The following C11orf71 variants were observed in gnomAD, a reference collection of about 807,000 sequenced individuals.
C11orf71 encodes the protein chromosome 11 open reading frame 71.
For missense variants in C11orf71, 179 were observed against 167.6 expected (o/e 1.07, Z -0.38); for synonymous variants, 72 against 73.4 (o/e 0.98, Z 0.09).
downstream of C11orf71, among the ~76,000 whole-genome samples, chr11:114,394,238 T>TTTTCC (rs1565256553): frequency 5.0e-4 from 25 of 49,806 alleles, no homozygotes; most frequent in Non-Finnish European, 7.0e-4. Context: ...CTTTCTTTTC[T>TTTTCC]TTTCTTTTCT....
chr11:114,398,780 G>A lies in C11orf71; in HGVS notation c.*1180C>T, dbSNP rs1309551918. 6.6e-6 allele frequency: 1 copy of A among 152,018 alleles called. No homozygotes were observed. The highest frequency in any genetic ancestry group is 1.5e-5 in the Non-Finnish European group (1 of 68,000). 9.4% of individuals were successfully genotyped at this position (152,018 alleles called of 1,614,324 possible). A position where few individuals can be genotyped will look rare whatever the true frequency, so the allele number is the denominator to read the frequency against. ...GTTTACTCAACATTCTTCTTAACAC[G>A]TAGTTATAACAATTCAATACTATGT... On this transcript the variant is annotated 3_prime_UTR_variant, in exon 1 of 1. Coordinates refer to ENST00000623205, the MANE Select transcript of C11orf71 (RefSeq NM_001271562.2).
chr11:114,391,924 T>A (rs558625560), intron 1 of C11orf71, among the ~76,000 whole-genome samples: 118 of 151,354 alleles, frequency 7.8e-4, no homozygotes, highest in African/African-American at 1.1e-3. Context: ...TTTTTTTTTT[T>A]AAAATAAAGC....
rs1197466518 is a variant in C11orf71, at chr11:114,399,322, A to C, written c.*638T>G. 6.6e-6 allele frequency: 1 copy of C among 152,266 alleles called. No individual in the cohort carries two copies. The highest frequency in any genetic ancestry group is 2.4e-5 in the African/African-American group (1 of 41,452). The allele number at this position is 152,266 out of a possible 1,614,324, so 9.4% of individuals were successfully genotyped here. Reference sequence around the variant, plus strand: ...TTTTCTGATAGGAGATTGTACAAGTAATGTTTTCACCAGTGTATTTTAGGA... The same window carrying C: ...TTTTCTGATAGGAGATTGTACAAGTCATGTTTTCACCAGTGTATTTTAGGA... On this transcript the variant is annotated 3_prime_UTR_variant, in exon 1 of 1. Coordinates refer to ENST00000623205, the MANE Select transcript of C11orf71 (RefSeq NM_001271562.2).
chr11:114,397,103 T>C (rs1247930030), downstream of C11orf71, among the ~76,000 whole-genome samples: 1 of 152,186 alleles, frequency 6.6e-6, no homozygotes, highest in African/African-American at 2.4e-5. Flanking sequence ...TAGGGCCCCA[T>C]TTCAACACAT....
chr11:114,393,135 T>A (rs891543635), intron 1 of C11orf71, among the ~76,000 whole-genome samples: 24 of 152,228 alleles, frequency 1.6e-4, no homozygotes, highest in African/African-American at 5.8e-4. Context: ...AAACAGCTCT[T>A]ACATGCCACA....
chr11:114,392,462 C>T (rs1360774870), intron 1 of C11orf71, among the ~76,000 whole-genome samples: 4 of 128,322 alleles, frequency 3.1e-5, no homozygotes, highest in Non-Finnish European at 4.7e-5. Context: ...CACTGGAACC[C>T]GGGAGATGGA....
intron 1 of C11orf71, among the ~76,000 whole-genome samples, chr11:114,392,925 A>C (rs1393083240): frequency 6.6e-6 from 1 of 152,174 alleles, no homozygotes. Context: ...CAGTTACTAA[A>C]ATTCTCTGCA....
rs1402780826 is a variant in C11orf71 at position 114,400,157 on chromosome 11, G to C, written c.175C>G (p.Pro59Ala). 6.2e-7 allele frequency: 1 copy of C among 1,613,742 alleles called. No individual in the cohort carries two copies. The highest frequency in any genetic ancestry group is 1.3e-5 in the African/African-American group (1 of 74,934). ...CGACGGCTCTCGGCCCGAACGCTTG[G>C]TCGCACCGCCTGCCGAGGTCCTAGA... ...IHLGPRQAVR[P>A]SVRAESRRVD... Residue 59 changes from proline (P) to alanine (A), a missense_variant, in exon 1 of 1, where the codon CCA (proline) becomes GCA (alanine). Transcript: ENST00000623205.
chr11:114,393,831 A>C (rs1946090640), downstream of C11orf71, among the ~76,000 whole-genome samples: 1 of 152,206 alleles, frequency 6.6e-6, no homozygotes, highest in Non-Finnish European at 1.5e-5. Context: ...GTATTTACAT[A>C]AGAGCTTCGA....
chr11:114,394,242 CTTT>C (rs768188409), downstream of C11orf71, among the ~76,000 whole-genome samples: 3 of 58,734 alleles, frequency 5.1e-5, no homozygotes, highest in African/African-American at 1.7e-4. Context: ...CTTTTCTTTT[CTTT>C]TCTTTTCTTT....
In C11orf71 at chr11:114,400,018, A is replaced by T. The variant is rs776030051; in HGVS notation, c.314T>A (p.Val105Glu). 16 of 1,613,814 alleles carry T rather than the reference A, an allele frequency of 9.9e-6. No individual in the cohort carries two copies. Among genetic ancestry groups the T allele is most frequent in the Non-Finnish European group, 1.3e-5 (15 of 1,179,818 alleles). ...TAATGCAATCAAACGCTGTTGCAGC[A>T]CACTTCTTAGGAGATCGGGTTCAAC... ...PAVEPDLLRS[V>E]LQQRLIALGG... is the part of the protein sequence containing the mutation. The change falls in exon 1 of 1, where the codon GTG becomes GAG. Residue 105 changes from valine to glutamate, a missense_variant. Val to Glu is a moderately radical substitution (Grantham distance 121, BLOSUM62 -2). Transcript: ENST00000623205.
downstream of C11orf71, among the ~76,000 whole-genome samples, chr11:114,397,048 T>C (rs1481989545): frequency 6.6e-6 from 1 of 152,172 alleles, no homozygotes; most frequent in African/African-American, 2.4e-5. Context: ...AAAACTGCTT[T>C]TTAGGAGTTT....
chr11:114,395,905 A>G (rs1386409373), downstream of C11orf71, among the ~76,000 whole-genome samples: 3 of 152,144 alleles, frequency 2.0e-5, no homozygotes, highest in Non-Finnish European at 4.4e-5. Context: ...AATTAGTAAC[A>G]TTGTTTGTTT....
At chr11:114,398,380 A>G (rs1353568164), downstream of C11orf71, among the ~76,000 whole-genome samples, 2 of 152,190 alleles carry the variant, frequency 1.3e-5, no homozygotes, top group Non-Finnish European at 2.9e-5. Context: ...CTCATTTGAA[A>G]GGCTGCAGGG....
At chr11:114,394,175 TTTCG>T (rs1425787330), downstream of C11orf71, among the ~76,000 whole-genome samples, 18 of 69,848 alleles carry the variant, frequency 2.6e-4, no homozygotes, top group African/African-American at 1.8e-3. Flanking sequence ...AGAGACGGGG[TTTCG>T]TTTCTTTTCT....
At chr11:114,392,549 AAGAAGAAGAAG>A (rs1946081342) in intron 1 of C11orf71, among the ~76,000 whole-genome samples, 1 of 123,668 alleles carries the variant, frequency 8.1e-6, no homozygotes, top group Middle Eastern at 4.0e-3. Context: ...AAAAAAAAAA[AAGAAGAAGAAG>A]AAGAAGAAAA....
In C11orf71 at chr11:114,398,686, A is replaced by T. The variant is rs1257408302; in HGVS notation, c.*1274T>A. The T allele has an allele frequency of 6.6e-6, 1 of 152,216 alleles. No homozygotes were observed. The highest frequency in any genetic ancestry group is 1.9e-4 in the East Asian group (1 of 5,198). 9.4% of individuals were successfully genotyped at this position (152,216 alleles called of 1,614,324 possible). ...AAAGGTAGCTATTACTATTCTTTCA[A>T]TCATTCTTCCTATGATCTGGTTTCT... On this transcript the variant is annotated 3_prime_UTR_variant, in exon 1 of 1. Transcript: ENST00000623205.
chr11:114,394,267 CTTTTCT>C, downstream of C11orf71, among the ~76,000 whole-genome samples: 1 of 63,220 alleles, frequency 1.6e-5, no homozygotes, highest in African/African-American at 9.7e-5. Flanking sequence ...CTTTTCTTTT[CTTTTCT>C]TTTCTTTTCT....
chr11:114,400,367 C>T lies in C11orf71; in HGVS notation c.-36G>A, dbSNP rs772422711. ...TGCCCGCAGTACTTGCGTTACGTCC[C>T]TTTGTGAAGGCAGGCCCTTCGCGGC... On this transcript the variant is annotated 5_prime_UTR_variant, in exon 1 of 1. Transcript: ENST00000623205. The T allele has an allele frequency of 1.4e-5, 22 of 1,560,040 alleles. No homozygotes were observed. Among genetic ancestry groups the T allele is most frequent in the Non-Finnish European group, 1.9e-5 (22 of 1,152,284 alleles).
Sources: gnomAD v4.1 joint callset for allele counts (sites outside exome capture counted in the v4.1 genomes callset) on GRCh38, gnomAD v4.1.1 for gene constraint, MANE v1.5 for transcripts, NCBI Gene and HGNC (gene_info 2026-07-23, HGNC 2026-07-21) for gene names.